The following TBXAS1 variants were observed in gnomAD, a reference collection of about 807,000 sequenced individuals.
TBXAS1 encodes thromboxane A synthase 1.
In TBXAS1, 48 loss-of-function variants were observed where a neutral mutation model predicts 60.7. That is an observed-to-expected ratio of 0.79 (90% CI 0.63 to 1.01). The LOEUF is 1.01. Ranked by LOEUF, TBXAS1 falls within the 50% of genes least tolerant of loss-of-function variation. The pLI, the probability that TBXAS1 is intolerant of heterozygous loss-of-function variation, is 0.00. For synonymous variants in TBXAS1, 287 were observed against 269.7 expected, an observed-to-expected ratio of 1.06 and a Z score of -0.63; for missense variants, 685 against 686.3, an observed-to-expected ratio of 1.00 and a Z score of 0.02.
chr7:139,897,175 G>GA (rs372929256), intron 3 of TBXAS1, among the ~76,000 whole-genome samples: 1 of 152,184 alleles, frequency 6.6e-6, no homozygotes, highest in Non-Finnish European at 1.5e-5. Context: ...AGACAGTCAG[G>GA]AAAAAAATTA....
chr7:139,831,621 C>T (rs1463349975), intron 1 of TBXAS1, among the ~76,000 whole-genome samples: 1 of 152,112 alleles, frequency 6.6e-6, no homozygotes, highest in Non-Finnish European at 1.5e-5. Flanking sequence ...CAGCAGAGAA[C>T]CTAAACCCTG....
At chr7:139,799,551 T>C (rs1797663122) in intron 4 of TBXAS1, among the ~76,000 whole-genome samples, 1 of 152,106 alleles carries the variant, frequency 6.6e-6, no homozygotes, top group Non-Finnish European at 1.5e-5. Context: ...AGATGGGTTT[T>C]TGTCATGTTG....
At chr7:139,811,982 C>T (rs985600538) in intron 4 of TBXAS1, among the ~76,000 whole-genome samples, 2 of 152,274 alleles carry the variant, frequency 1.3e-5, no homozygotes, top group East Asian at 1.9e-4. Flanking sequence ...ATCATAAATC[C>T]GGGCCTCAAT....
In TBXAS1 at chr7:139,916,066, G is replaced by A. The variant is rs774155746; in HGVS notation, c.333+4745G>A. ...CAGTCGTCCTGGTACATCAGGACTCGGATGTTTCTATTTAGATATTTTCAA... is the reference window on the plus strand; with the variant it reads ...CAGTCGTCCTGGTACATCAGGACTCAGATGTTTCTATTTAGATATTTTCAA... On this transcript the variant is annotated intron_variant, in intron 4 of 12. Coordinates refer to ENST00000448866, the MANE Select transcript of TBXAS1 (RefSeq NM_001061.7). This position sits in a 1 kb window ranked among gnomAD's most constrained non-coding sequence, Gnocchi z 4.2. 5.3e-5 allele frequency among the ~76,000 whole-genome samples: 8 copies of A among 152,166 alleles called. No homozygotes were observed. Among genetic ancestry groups the A allele is most frequent in the African/African-American group, 7.2e-5 (3 of 41,444 alleles).
At chr7:139,834,890 C>A (rs1056005925) in intron 1 of TBXAS1, among the ~76,000 whole-genome samples, 1 of 151,962 alleles carries the variant, frequency 6.6e-6, no homozygotes, top group Non-Finnish European at 1.5e-5. Context: ...ACCAGACATT[C>A]AAAGAAGAAT....
intron 4 of TBXAS1, among the ~76,000 whole-genome samples, chr7:139,803,452 C>T (rs1009736210): frequency 1.3e-5 from 2 of 152,180 alleles, no homozygotes; most frequent in African/African-American, 4.8e-5. Flanking sequence ...GGAAAATTTT[C>T]AGCCTGATGA....
chr7:139,867,826 T>TAAAA, intron 1 of TBXAS1, among the ~76,000 whole-genome samples: 1 of 146,854 alleles, frequency 6.8e-6, no homozygotes, highest in South Asian at 2.2e-4. Flanking sequence ...CGAAAATAAA[T>TAAAA]AATAAATAAA....
chr7:140,012,153 A>G (rs1242550596), intron 10 of TBXAS1, among the ~76,000 whole-genome samples: 1 of 152,218 alleles, frequency 6.6e-6, no homozygotes, highest in African/African-American at 2.4e-5. Flanking sequence ...AAGCCTTGAC[A>G]GAGGGTGTGA....
chr7:139,781,362 G>C (rs1437960018), intron 2 of TBXAS1, among the ~76,000 whole-genome samples: 1 of 152,188 alleles, frequency 6.6e-6, no homozygotes, highest in Non-Finnish European at 1.5e-5. Flanking sequence ...GCTGGGAGGA[G>C]AGAGGATCTG....
chr7:139,990,152 A>G (rs375057881), intron 9 of TBXAS1, among the ~76,000 whole-genome samples: 2 of 152,066 alleles, frequency 1.3e-5, no homozygotes, highest in East Asian at 3.9e-4. Flanking sequence ...CTCCTCCCCC[A>G]GGCCAGGCCT....
intron 9 of TBXAS1, among the ~76,000 whole-genome samples, chr7:139,969,033 CTT>C (rs1286571688): frequency 6.6e-6 from 1 of 152,190 alleles, no homozygotes; most frequent in Non-Finnish European, 1.5e-5. Flanking sequence ...AAATTATTGA[CTT>C]TTGATCTGGC....
intron 4 of TBXAS1, among the ~76,000 whole-genome samples, chr7:139,922,365 G>C (rs1806552114): frequency 6.6e-6 from 1 of 152,002 alleles, no homozygotes; most frequent in Non-Finnish European, 1.5e-5. Context: ...ACCTCCCAAA[G>C]TGCTGGGATT....
In TBXAS1 at chr7:139,892,571, C is replaced by T. The variant is rs536238884; in HGVS notation, c.236+16934C>T. 7.9e-5 allele frequency among the ~76,000 whole-genome samples: 12 copies of T among 152,142 alleles called. No homozygotes were observed. The East Asian group carries it at 9.7e-4, about 12-fold the overall frequency. On this transcript the variant is annotated intron_variant, in intron 3 of 12. Transcript: ENST00000448866. Reference sequence around the variant, plus strand: ...TCATGCCACTGCACTCCAGCCTGGGCGACAGAGTGAGACTCTGTCTCAGAA... The same window carrying T: ...TCATGCCACTGCACTCCAGCCTGGGTGACAGAGTGAGACTCTGTCTCAGAA...
intron 3 of TBXAS1, among the ~76,000 whole-genome samples, chr7:139,876,424 G>A (rs114778816): frequency 0.015 from 2,338 of 152,184 alleles, 34 homozygotes; most frequent in African/African-American, 0.034. Flanking sequence ...TGGTTTTCAC[G>A]CAGCTTCTCT....
chr7:139,869,189 G>A (rs1801645962), intron 1 of TBXAS1, among the ~76,000 whole-genome samples: 2 of 152,192 alleles, frequency 1.3e-5, no homozygotes, highest in African/African-American at 2.4e-5. Flanking sequence ...CTGTAGGGGA[G>A]AATCCTTCCT....
intron 1 of TBXAS1, among the ~76,000 whole-genome samples, chr7:139,866,799 G>T (rs953451320): frequency 1.2e-4 from 18 of 151,750 alleles, no homozygotes; most frequent in East Asian, 1.9e-4. Flanking sequence ...GAAAAATATA[G>T]AGAGAGAATG....
chr7:139,787,751 C>T (rs906495662), intron 4 of TBXAS1, among the ~76,000 whole-genome samples: 4 of 152,210 alleles, frequency 2.6e-5, no homozygotes, highest in African/African-American at 9.7e-5. Context: ...TACTGCACCC[C>T]ATTTTCCCTT....
chr7:139,937,876 G>A (rs779816275), intron 5 of TBXAS1, among the ~76,000 whole-genome samples: 1 of 151,416 alleles, frequency 6.6e-6, no homozygotes, highest in Non-Finnish European at 1.5e-5. Context: ...GGGGCTGTCT[G>A]GAGGATGCAG....
At chr7:140,019,931 CA>C (rs1815415375) in intron 12 of TBXAS1, 93 bp from the exon 13 acceptor site, 1 of 1,219,502 alleles carries the variant, frequency 8.2e-7, no homozygotes, top group African/African-American at 1.5e-5. Context: ...TGACCTTGGA[CA>C]ACGGACTTGG....
Sources: gnomAD v4.1 joint callset for allele counts (sites outside exome capture counted in the v4.1 genomes callset) on GRCh38, gnomAD v4.1.1 for gene constraint, Gnocchi (gnomAD v3.1) non-coding constraint, MANE v1.5 for transcripts, NCBI Gene and HGNC (gene_info 2026-07-23, HGNC 2026-07-21) for gene names.